Variants in RAI14 observed in about 807,000 individuals in gnomAD.
RAI14 encodes the protein retinoic acid induced 14, also known as ankycorbin.
In RAI14, 45 loss-of-function variants were observed where a neutral mutation model predicts 115.4. The ratio of observed to expected loss-of-function variants is 0.39; its 90% CI spans 0.31 to 0.50. RAI14 has a LOEUF of 0.50. Ranked by LOEUF, RAI14 falls within the 20% of genes least tolerant of loss-of-function variation. The probability of loss-of-function intolerance (pLI) is 0.85; values close to 1 mark genes in which losing one functional copy is unlikely to be tolerated. For missense variants in RAI14, 939 were observed against 1,131.2 expected, an observed-to-expected ratio of 0.83 and a Z score of 2.44; for synonymous variants, 371 against 415.4, an observed-to-expected ratio of 0.89 and a Z score of 1.30.
At chr5:34,816,468 A>G (rs191202925) in intron 12 of RAI14, among the ~76,000 whole-genome samples, 1 of 152,310 alleles carries the variant, frequency 6.6e-6, no homozygotes, top group East Asian at 1.9e-4. Flanking sequence ...TAGAAAATCC[A>G]TTAGGTTTTA....
intron 3 of RAI14, among the ~76,000 whole-genome samples, chr5:34,790,676 C>T (rs987787568): frequency 6.6e-6 from 1 of 150,634 alleles, no homozygotes; most frequent in African/African-American, 2.4e-5. Flanking sequence ...CTAAACCTAG[C>T]CTGCACATTT....
chr5:34,659,493 C>T (rs1742531610), intron 1 of RAI14, among the ~76,000 whole-genome samples: 1 of 152,214 alleles, frequency 6.6e-6, no homozygotes, highest in South Asian at 2.1e-4. Flanking sequence ...GCCTTGAACT[C>T]TCAGCCTCAA....
chr5:34,794,129 A>G (rs1477494221), intron 3 of RAI14, among the ~76,000 whole-genome samples: 1 of 152,206 alleles, frequency 6.6e-6, no homozygotes, highest in Non-Finnish European at 1.5e-5. Flanking sequence ...TTCCATTTAA[A>G]CAAGTCACTA....
At chr5:34,757,754 C>A in intron 3 of RAI14, 156 bp downstream of exon 3, 1 of 1,020,640 alleles carries the variant, frequency 9.8e-7, no homozygotes, top group Non-Finnish European at 1.3e-6. Flanking sequence ...CCTTTCTCTC[C>A]AAATTCCAAG....
At chr5:34,715,326 A>G (rs531477593) in intron 2 of RAI14, among the ~76,000 whole-genome samples, 1 of 152,312 alleles carries the variant, frequency 6.6e-6, no homozygotes, top group East Asian at 1.9e-4. Context: ...TGAGTGCATA[A>G]TGAGGTTCTA....
In RAI14 at chr5:34,823,840, A is replaced by C; in HGVS notation, c.1998A>C (p.Lys666Asn). 6.2e-7 allele frequency: 1 copy of C among 1,614,130 alleles called. No homozygotes were observed. Among genetic ancestry groups the C allele is most frequent in the Non-Finnish European group, 8.5e-7 (1 of 1,179,972 alleles). The change falls in exon 15 of 18, where the codon AAA becomes AAC. Residue 666 changes from lysine to asparagine, a missense_variant. Coordinates refer to ENST00000265109, the MANE Select transcript of RAI14 (RefSeq NM_015577.3). The surrounding 1 kb of genome is among the most constrained non-coding windows in gnomAD (Gnocchi z 4.5). The stretch of plus-strand genomic sequence containing the variant: ...AGCTGGAGGATTACAGGAAGAGGAA[A>C]TCTCTAGAGGATGTCACAGCTGAAT... ...QAELEDYRKRKSLEDVTAEYI... is the reference protein window; with the variant it reads ...QAELEDYRKRNSLEDVTAEYI...
intron 3 of RAI14, among the ~76,000 whole-genome samples, chr5:34,774,327 C>T (rs1242792571): frequency 6.6e-6 from 1 of 152,058 alleles, no homozygotes; most frequent in Non-Finnish European, 1.5e-5. Context: ...GCCGAGATTG[C>T]ACCATTGCCC....
chr5:34,676,249 C>T (rs1027378281), intron 1 of RAI14, among the ~76,000 whole-genome samples: 7 of 152,156 alleles, frequency 4.6e-5, no homozygotes, highest in Non-Finnish European at 1.0e-4. Flanking sequence ...TACCCATACA[C>T]GGTCACTTGG....
At position 34,832,244 on chromosome 5, in the gene RAI14, G is replaced by A. The variant is rs1214231633; in HGVS notation, c.*1479G>A. 2 of 152,588 alleles carry A rather than the reference G, an allele frequency of 1.3e-5. No homozygotes were observed. Among genetic ancestry groups the A allele is most frequent in the Non-Finnish European group, 2.9e-5 (2 of 68,032 alleles). The allele number at this position is 152,588 out of a possible 1,614,324, so 9.5% of individuals were successfully genotyped here. ...GCTGGATGATATGTTGATCTGTATT[G>A]GATAAGGACCAATGACAGCAAAGCA... is the stretch of plus-strand genomic sequence containing the variant. On this transcript the variant is annotated 3_prime_UTR_variant, in exon 18 of 18. Coordinates refer to ENST00000265109, the MANE Select transcript of RAI14 (RefSeq NM_015577.3).
intron 3 of RAI14, among the ~76,000 whole-genome samples, chr5:34,769,168 A>G (rs1403178742): frequency 6.6e-6 from 1 of 152,126 alleles, no homozygotes; most frequent in South Asian, 2.1e-4. Flanking sequence ...TTTACATGCC[A>G]GTCATTTATT....
intron 1 of RAI14, among the ~76,000 whole-genome samples, chr5:34,671,368 G>A (rs1469422313): frequency 6.6e-6 from 1 of 152,188 alleles, no homozygotes; most frequent in Non-Finnish European, 1.5e-5. Flanking sequence ...GTGTGGCAGA[G>A]TGAATCTTTT....
Position 34,666,794 on chromosome 5 carries a change from T to TCGAATAAGGTCAGGGCTGGC in RAI14, c.-49+10322_-49+10341dup, listed in dbSNP as rs1743255846. 2.0e-5 allele frequency among the ~76,000 whole-genome samples: 3 copies of TCGAATAAGGTCAGGGCTGGC among 152,180 alleles called. No individual in the cohort carries two copies. The East Asian group carries it at 5.8e-4, about 29-fold the overall frequency. ...TAGGCACTTTGCTGCTGGACTGTCC[T>TCGAATAAGGTCAGGGCTGGC]CGAATAAGGTCAGGGCTGGCCGTAG... is the stretch of plus-strand genomic sequence containing the variant. On this transcript the variant is annotated intron_variant, in intron 1 of 17. Coordinates refer to ENST00000265109, the MANE Select transcript of RAI14 (RefSeq NM_015577.3).
intron 2 of RAI14, among the ~76,000 whole-genome samples, chr5:34,748,374 G>A (rs750366569): frequency 6.6e-6 from 1 of 152,198 alleles, no homozygotes; most frequent in Non-Finnish European, 1.5e-5. Flanking sequence ...GGTGCTTGCC[G>A]TGTTGTATTG....
intron 2 of RAI14, among the ~76,000 whole-genome samples, chr5:34,709,621 T>G (rs772032577): frequency 6.6e-6 from 1 of 152,208 alleles, no homozygotes; most frequent in Non-Finnish European, 1.5e-5. Flanking sequence ...AGACAGTTCT[T>G]AACCCCACTG....
intron 17 of RAI14, 87 bp from the exon 18 acceptor site, chr5:34,830,601 T>C: frequency 1.3e-6 from 2 of 1,590,618 alleles, no homozygotes; most frequent in Non-Finnish European, 8.6e-7. Context: ...CAGGTCTTCA[T>C]TGCAGTCAGC....
At chr5:34,711,627 A>G (rs951199118) in intron 2 of RAI14, among the ~76,000 whole-genome samples, 1 of 152,230 alleles carries the variant, frequency 6.6e-6, no homozygotes, top group African/African-American at 2.4e-5. Flanking sequence ...TATTGCCCTT[A>G]TTAAAAAGGC....
chr5:34,661,103 TTTGGATA>T (rs1477944411), intron 1 of RAI14, among the ~76,000 whole-genome samples: 2 of 152,190 alleles, frequency 1.3e-5, no homozygotes, highest in African/African-American at 4.8e-5. Context: ...TGTTTCAGAT[TTTGGATA>T]TTTTTAAAAT....
rs868439211 is a variant in RAI14 at position 34,755,148 on chromosome 5, T to G, written c.37-2320T>G. Reference sequence around the variant, plus strand: ...GGGGAATAAGCTGCACTGTGTTTCTTGGGGCTTGATCATTTGCTGTAGTTG... The same window carrying G: ...GGGGAATAAGCTGCACTGTGTTTCTGGGGGCTTGATCATTTGCTGTAGTTG... On this transcript the variant is annotated intron_variant, in intron 2 of 17. Coordinates refer to ENST00000265109, the MANE Select transcript of RAI14 (RefSeq NM_015577.3). Among the ~76,000 whole-genome samples the G allele has an allele frequency of 6.3e-3, 962 of 152,292 alleles. 5 individuals carry two copies. Among genetic ancestry groups the G allele is most frequent in the Non-Finnish European group, 0.01 (702 of 68,012 alleles).
Position 34,752,749 on chromosome 5 carries a change from G to C in RAI14, c.37-4719G>C, listed in dbSNP as rs202164949. Among the ~76,000 whole-genome samples, 11 of 107,058 alleles carry C rather than the reference G, an allele frequency of 1.0e-4. No individual in the cohort carries two copies. In the East Asian group the frequency reaches 3.2e-3, roughly 31 times the overall value. The allele number at this position is 107,058 out of a possible 152,430, so 70.2% of individuals were successfully genotyped here. On this transcript the variant is annotated intron_variant, in intron 2 of 17. Coordinates refer to ENST00000265109, the MANE Select transcript of RAI14 (RefSeq NM_015577.3). ...TGTGTGTGTGTGTGTGTGTGTGTGT[G>C]TATATATATATATATATGTATCTTT... is the stretch of plus-strand genomic sequence containing the variant.
Sources: allele counts gnomAD v4.1 joint callset (sites outside exome capture counted in the v4.1 genomes callset), GRCh38; gene constraint gnomAD v4.1.1; non-coding constraint Gnocchi (gnomAD v3.1); transcripts MANE v1.5; gene names NCBI Gene and HGNC (gene_info 2026-07-23, HGNC 2026-07-21).